TEX14: variants seen among roughly 807,000 people sequenced by gnomAD.
TEX14 encodes testis expressed 14, intercellular bridge forming factor.
In TEX14, 168 loss-of-function variants were observed where a neutral mutation model predicts 178.6. The ratio of observed to expected loss-of-function variants is 0.94; its 90% CI spans 0.83 to 1.07. TEX14 has a LOEUF of 1.07. Ranked by LOEUF, TEX14 falls within the 50% of genes least tolerant of loss-of-function variation. The probability of loss-of-function intolerance (pLI) is 0.00; values close to 1 mark genes in which losing one functional copy is unlikely to be tolerated. For missense variants in TEX14, 1,730 were observed against 1,753.6 expected, an observed-to-expected ratio of 0.99 and a Z score of 0.24; for synonymous variants, 626 against 634.1, an observed-to-expected ratio of 0.99 and a Z score of 0.19.
rs1433774707 is a variant in TEX14, at chr17:58,570,243, C to G, written c.3817+142G>C. The G allele has an allele frequency of 1.3e-5, 6 of 472,010 alleles. No individual in the cohort carries two copies. The South Asian group carries it at 2.2e-4, about 17-fold the overall frequency. The allele number at this position is 472,010 out of a possible 1,614,324, so 29.2% of individuals were successfully genotyped here. A position where few individuals can be genotyped will look rare whatever the true frequency, so the allele number is the denominator to read the frequency against. ...AAGCTTTTATTTATTCTCCAAGTTT[C>G]CTACAATGAGTGTGTTTTACTTTTA... On this transcript the variant is annotated intron_variant, in intron 25 of 31. Transcript: ENST00000349033.
At chr17:58,680,936 G>A (rs2047490620) in intron 1 of TEX14, among the ~76,000 whole-genome samples, 1 of 151,938 alleles carries the variant, frequency 6.6e-6, no homozygotes, top group African/African-American at 2.4e-5. Flanking sequence ...CCTTGTCACT[G>A]ACTTCAAGCT....
In TEX14 at chr17:58,613,473, A is replaced by G. The variant is rs758780756; in HGVS notation, c.953T>C (p.Leu318Pro). ...GCCGATAGTGATGCGCTCGTACACA[A>G]GGCGGGTTTTCTCTAGGTCCTGGGA... ...CLSQDLEKTR[L>P]VYERITIGTL... The change falls in exon 9 of 32, where the codon CTT becomes CCT. Residue 318 changes from leucine (L) to proline (P), a missense_variant. This residue lies in a region of TEX14 where 789 missense variants were observed against 681.2 expected (regional missense o/e 1.16). Coordinates refer to ENST00000349033, the MANE Select transcript of TEX14 (RefSeq NM_031272.5). The G allele has an allele frequency of 6.2e-7, 1 of 1,614,130 alleles. No homozygotes were observed. Among genetic ancestry groups the G allele is most frequent in the African/African-American group, 1.3e-5 (1 of 75,036 alleles).
intron 13 of TEX14, 43 bp from the exon 14 acceptor site, chr17:58,599,709 T>A (rs567393788): frequency 6.0e-5 from 92 of 1,521,750 alleles, no homozygotes; most frequent in Non-Finnish European, 7.8e-5. Context: ...AAAATGAACA[T>A]ATTTGGCAGC....
chr17:58,659,447 G>A (rs552804844), intron 1 of TEX14: 2 of 393,750 alleles, frequency 5.1e-6, no homozygotes, highest in African/African-American at 4.4e-5. Flanking sequence ...CACCTTCTTT[G>A]GTATTCGCTA....
At chr17:58,666,516 T>A (rs1271600181) in intron 1 of TEX14, 5 of 133,620 alleles carry the variant, frequency 3.7e-5, no homozygotes, top group Non-Finnish European at 1.5e-5. Flanking sequence ...CTAACAAAAC[T>A]TGCATTTCAA....
At chr17:58,661,584 C>T (rs1353817883) in intron 1 of TEX14, 2 of 728,174 alleles carry the variant, frequency 2.7e-6, no homozygotes, top group Admixed American at 2.1e-5. Flanking sequence ...AGGAACTCGT[C>T]TTCAGCAGCT....
chr17:58,666,079 C>T (rs1228424128), intron 1 of TEX14, among the ~76,000 whole-genome samples: 1 of 150,768 alleles, frequency 6.6e-6, no homozygotes, highest in Non-Finnish European at 1.5e-5. Context: ...TGCCATGGCT[C>T]ACGCCTGTAA....
At position 58,599,154 on chromosome 17, in the gene TEX14, C is replaced by T; in HGVS notation, c.2191G>A (p.Val731Met). ...GTCTGCATAATCTTTAGATCCAGCA[C>T]ACACTTACTGATGAGATACTCCTCA... ...TTEEYLISKC[V>M]LDLKIMQTIM... Residue 731 changes from valine to methionine, a missense_variant, in exon 14 of 32, where the codon GTG becomes ATG. By Grantham distance (21) the Val-to-Met change is conservative. Transcript: ENST00000349033. 6.2e-7 allele frequency: 1 copy of T among 1,614,162 alleles called. No homozygotes were observed. Among genetic ancestry groups the T allele is most frequent in the Non-Finnish European group, 8.5e-7 (1 of 1,180,042 alleles).
intron 5 of TEX14, 117 bp downstream of exon 5, chr17:58,621,533 T>C (rs2045996666): frequency 2.9e-6 from 3 of 1,052,176 alleles, no homozygotes; most frequent in Non-Finnish European, 2.7e-6. Context: ...CCCCTTTGGA[T>C]GGGCCAGATG....
At chr17:58,606,444 C>T (rs941960753) in intron 10 of TEX14, among the ~76,000 whole-genome samples, 9 of 152,120 alleles carry the variant, frequency 5.9e-5, no homozygotes, top group Non-Finnish European at 1.0e-4. Context: ...AGATTTTAGA[C>T]GATGAGATGG....
chr17:58,571,943 G>T lies in TEX14; in HGVS notation c.3695C>A (p.Pro1232His). 3 of 1,614,094 alleles carry T rather than the reference G, an allele frequency of 1.9e-6. No individual in the cohort carries two copies. In the South Asian group the frequency reaches 3.3e-5, roughly 18 times the overall value. The change falls in exon 24 of 32, where the codon CCC becomes CAC. Residue 1232 changes from proline to histidine, a missense_variant. This residue lies in a region of TEX14 where 941 missense variants were observed against 1,072.4 expected (regional missense o/e 0.88). Transcript: ENST00000349033. ...LDSLLTSSET[P>H]PSRLTGLKRL... Reference sequence around the variant, plus strand: ...TACAAGACCAGTCAGTCTTGAAGGGGGAGTTTCAGAGGAAGTAAGGAGAGA... The same window carrying T: ...TACAAGACCAGTCAGTCTTGAAGGGTGAGTTTCAGAGGAAGTAAGGAGAGA...
Position 58,561,565 on chromosome 17 carries a change from G to A in TEX14, c.4112C>T (p.Pro1371Leu), listed in dbSNP as rs778773409. Reference protein sequence around the residue: ...DEDLERWLQPPEESVELQDLP... With the variant: ...DEDLERWLQPLEESVELQDLP... ...GTCTTGTAGCTCCACGCTCTCCTCA[G>A]GTGGCTGCAGCCATCTTTCCAGGTC... The change falls in exon 29 of 32, where the codon CCT (proline) becomes CTT (leucine). Residue 1371 changes from proline to leucine, a missense_variant. By Grantham distance (98) the Pro-to-Leu change is moderately conservative (BLOSUM62 -3). This residue lies in a region of TEX14 where 941 missense variants were observed against 1,072.4 expected (regional missense o/e 0.88). Transcript: ENST00000349033. 1.9e-6 allele frequency: 3 copies of A among 1,614,098 alleles called. No individual in the cohort carries two copies. The highest frequency in any genetic ancestry group is 2.2e-5 in the South Asian group (2 of 91,082).
rs578115786 is a variant in TEX14, at chr17:58,565,165, GTCT to G, written c.3965-200_3965-198del. 2.8e-3 allele frequency among the ~76,000 whole-genome samples: 425 copies of G among 152,312 alleles called. 2 individuals are homozygous for G. Among genetic ancestry groups the G allele is most frequent in the Admixed American group, 7.8e-3 (120 of 15,292 alleles). ...TGCATTTGCAGCAGCTGCTTCTGGG[GTCT>G]TGGAAGCTTTTCAGTGCCAGGTGAA... On this transcript the variant is annotated intron_variant, in intron 27 of 31. Transcript: ENST00000349033.
rs2044546996 is a variant in TEX14, at chr17:58,572,146, G to A, written c.3512-20C>T. 2 of 1,571,018 alleles carry A rather than the reference G, an allele frequency of 1.3e-6. No individual in the cohort carries two copies. The highest frequency in any genetic ancestry group is 1.7e-6 in the Non-Finnish European group (2 of 1,144,672). On this transcript the variant is annotated intron_variant, in intron 23 of 31. Coordinates refer to ENST00000349033, the MANE Select transcript of TEX14 (RefSeq NM_031272.5). The stretch of plus-strand genomic sequence containing the variant: ...CGGACCCTGTTGGAGAAAAGCGGAA[G>A]GTTACTGTCTGAATCCTTTATATTA...
At chr17:58,619,753 G>C (rs1169896516) in intron 5 of TEX14, among the ~76,000 whole-genome samples, 3 of 141,816 alleles carry the variant, frequency 2.1e-5, no homozygotes, top group African/African-American at 7.9e-5. Flanking sequence ...GGTGAGCCGA[G>C]ATTGCACGGA....
chr17:58,610,652 G>A (rs530200282), intron 10 of TEX14, among the ~76,000 whole-genome samples: 49 of 152,250 alleles, frequency 3.2e-4, no homozygotes, highest in Non-Finnish European at 5.6e-4. Flanking sequence ...TTGGGAGGCC[G>A]AAGTGGGCGG....
At chr17:58,652,762 GTCATTA>G (rs2046866635) in intron 1 of TEX14, among the ~76,000 whole-genome samples, 1 of 152,174 alleles carries the variant, frequency 6.6e-6, no homozygotes. Flanking sequence ...CACAAATGCA[GTCATTA>G]TGTAAAGCTA....
chr17:58,576,704 C>T (rs978496594), intron 21 of TEX14, among the ~76,000 whole-genome samples: 4 of 152,176 alleles, frequency 2.6e-5, no homozygotes, highest in Non-Finnish European at 5.9e-5. Flanking sequence ...TAACCCCTGG[C>T]AACCACTCAT....
At chr17:58,685,669 C>G (rs1365435531) in intron 1 of TEX14, among the ~76,000 whole-genome samples, 1 of 151,358 alleles carries the variant, frequency 6.6e-6, no homozygotes, top group African/African-American at 2.4e-5. Flanking sequence ...TTTTTTTAAG[C>G]CTTATTAAGA....
Sources: allele counts gnomAD v4.1 joint callset (sites outside exome capture counted in the v4.1 genomes callset), GRCh38; gene constraint gnomAD v4.1.1; regional missense constraint gnomAD v4.1.1; transcripts MANE v1.5; gene names NCBI Gene and HGNC (gene_info 2026-07-23, HGNC 2026-07-21).